CFAP74: variants seen among roughly 807,000 people sequenced by gnomAD.
CFAP74 encodes cilia and flagella associated protein 74.
CFAP74 carries 124 observed loss-of-function variants against 188.9 expected under a neutral mutation model. The observed-to-expected ratio is 0.66, with a 90% CI of 0.57 to 0.76. The LOEUF is 0.76. Among genes scored for constraint, CFAP74 ranks in the 30% least tolerant of loss-of-function variants. CFAP74 has a pLI of 0.00. For synonymous variants in CFAP74, 956 were observed against 916.7 expected, an observed-to-expected ratio of 1.04 and a Z score of -0.77; for missense variants, 2,198 against 2,165.2, an observed-to-expected ratio of 1.02 and a Z score of -0.30.
intron 13 of CFAP74, 100 bp downstream of exon 13, chr1:1,964,788 T>A: frequency 7.4e-7 from 1 of 1,346,826 alleles, no homozygotes; most frequent in South Asian, 1.3e-5. Flanking sequence ...AGACTCCATC[T>A]CAAAAAAAAG....
chr1:1,941,897 C>G (rs1050340237), intron 22 of CFAP74, 131 bp downstream of exon 22: 32 of 1,034,922 alleles, frequency 3.1e-5, no homozygotes, highest in African/African-American at 4.9e-5. Context: ...GGCCTCTGCC[C>G]CAGAACACAT....
chr1:1,936,748 A>G (rs1003435061), intron 25 of CFAP74, among the ~76,000 whole-genome samples: 2 of 151,684 alleles, frequency 1.3e-5, no homozygotes, highest in Admixed American at 6.6e-5. Flanking sequence ...TACAAAAAAT[A>G]TAAAAGTTAG....
intron 6 of CFAP74, among the ~76,000 whole-genome samples, chr1:1,981,613 G>A (rs377661058): frequency 4.1e-5 from 3 of 72,464 alleles, no homozygotes; most frequent in South Asian, 5.0e-4. Context: ...ACACACAGCC[G>A]CGGACAGACA....
intron 27 of CFAP74, 138 bp from the exon 28 acceptor site, chr1:1,927,884 G>A (rs1182604558): frequency 1.5e-5 from 14 of 946,968 alleles, no homozygotes; most frequent in South Asian, 3.4e-5. Context: ...AAAGCCGACC[G>A]GCGCCCGAGG....
intron 1 of CFAP74, among the ~76,000 whole-genome samples, chr1:1,994,107 G>A (rs199764184): frequency 5.3e-5 from 8 of 151,416 alleles, no homozygotes; most frequent in East Asian, 3.9e-4. Context: ...CGAGGCTGCC[G>A]TGAGCTGTGA....
chr1:1,926,809 C>T lies in CFAP74; in HGVS notation c.3663-48G>A, dbSNP rs898213057. On this transcript the variant is annotated intron_variant, in intron 29 of 38. Transcript: ENST00000682832. ...AGGGCAGGGTGGGCGGCCCCCTGCCCGCCCAGGCCCCAGAGTTGGGCAGTA... is the reference window on the plus strand; with the variant it reads ...AGGGCAGGGTGGGCGGCCCCCTGCCTGCCCAGGCCCCAGAGTTGGGCAGTA... The T allele has an allele frequency of 2.1e-5, 32 of 1,547,338 alleles. 1 individual carries two copies. The East Asian group carries it at 2.4e-4, about 12-fold the overall frequency.
At position 1,942,897 on chromosome 1, in the gene CFAP74, C is replaced by T. The variant is rs931289942; in HGVS notation, c.2487-741G>A. On this transcript the variant is annotated intron_variant, in intron 21 of 38. Coordinates refer to ENST00000682832, the MANE Select transcript of CFAP74 (RefSeq NM_001304360.2). This position sits in a 1 kb window ranked among gnomAD's most constrained non-coding sequence, Gnocchi z 4.3. ...AGAAATCTCCTCCCTCCTGTGCTTC[C>T]ATGCGACAGTCACCCATGCTGTGGC... Among the ~76,000 whole-genome samples, 5 of 152,204 alleles carry T rather than the reference C, an allele frequency of 3.3e-5. No individual in the cohort carries two copies. Among genetic ancestry groups the T allele is most frequent in the Non-Finnish European group, 7.3e-5 (5 of 68,032 alleles).
rs2803326 is a variant in CFAP74, at chr1:1,942,075, A to G, written c.2568T>C (p.Tyr856=). Residue 856 remains tyrosine, a synonymous_variant, in exon 22 of 39, where the codon TAT becomes TAC. Transcript: ENST00000682832. This position sits in a 1 kb window ranked among gnomAD's most constrained non-coding sequence, Gnocchi z 4.3. ...AHLELLPKTG[Y]IQAQSSYSVQ... is the part of the protein sequence containing the mutation. ...CGGAGTAGGACGACTGTGCCTGGAT[A>G]TAGCCTGTCTTGGGCAGGAGCTCCA... is the stretch of plus-strand genomic sequence containing the variant. 0.55 allele frequency: 827,243 copies of G among 1,516,806 alleles called. 229,005 individuals carry two copies. The highest frequency in any genetic ancestry group is 0.64 in the Admixed American group (31,233 of 48,958). 94.0% of individuals were successfully genotyped at this position (1,516,806 alleles called of 1,614,324 possible). A position where few individuals can be genotyped will look rare whatever the true frequency, so the allele number is the denominator to read the frequency against.
At chr1:1,991,840 C>A (rs528465858) in intron 1 of CFAP74, among the ~76,000 whole-genome samples, 1 of 151,906 alleles carries the variant, frequency 6.6e-6, no homozygotes, top group Non-Finnish European at 1.5e-5. Context: ...GAGATCGAGA[C>A]TATCCTGGCT....
chr1:1,961,113 C>T (rs191996595), intron 14 of CFAP74, among the ~76,000 whole-genome samples: 9 of 152,172 alleles, frequency 5.9e-5, no homozygotes, highest in East Asian at 3.9e-4. Context: ...AGTGGTGAAC[C>T]GAGCAGCACC....
intron 1 of CFAP74, 119 bp from the exon 2 acceptor site, chr1:1,991,094 T>G: frequency 1.5e-6 from 1 of 654,838 alleles, no homozygotes; most frequent in Non-Finnish European, 2.6e-6. Flanking sequence ...GAAAAAATAT[T>G]TGCAGCACAC....
chr1:1,990,084 C>T (rs1250625179), intron 2 of CFAP74, among the ~76,000 whole-genome samples: 1 of 152,086 alleles, frequency 6.6e-6, no homozygotes, highest in Non-Finnish European at 1.5e-5. Flanking sequence ...CCAATAGGTT[C>T]GTTATTGCTA....
intron 1 of CFAP74, among the ~76,000 whole-genome samples, chr1:1,992,566 T>C (rs1481244164): frequency 1.3e-5 from 2 of 151,836 alleles, no homozygotes; most frequent in East Asian, 1.9e-4. Context: ...CTCTGCCTCC[T>C]GGGTTCACGC....
chr1:1,924,027 C>T, intron 34 of CFAP74, 98 bp from the exon 35 acceptor site: 5 of 1,274,878 alleles, frequency 3.9e-6, no homozygotes, highest in Non-Finnish European at 4.3e-6. Flanking sequence ...TGCCCGCCCC[C>T]CTGCAGAGCC....
At chr1:1,928,075 C>G in intron 27 of CFAP74, 1 of 406,524 alleles carries the variant, frequency 2.5e-6, no homozygotes, top group South Asian at 2.1e-5. Context: ...TGCTTCCCCT[C>G]GAGTGCACGC....
intron 18 of CFAP74, among the ~76,000 whole-genome samples, chr1:1,949,621 T>A (rs1402914258): frequency 2.0e-5 from 3 of 152,182 alleles, no homozygotes; most frequent in African/African-American, 4.8e-5. Context: ...AGACACTGAA[T>A]GGCCCCACCG....
In CFAP74 at chr1:1,992,026, C is replaced by T. The variant is rs575543125; in HGVS notation, c.-19-1051G>A. Among the ~76,000 whole-genome samples, 13 of 148,072 alleles carry T rather than the reference C, an allele frequency of 8.8e-5. No individual in the cohort carries two copies. In the East Asian group the frequency reaches 1.4e-3, roughly 16 times the overall value. On this transcript the variant is annotated intron_variant, in intron 1 of 38. Transcript: ENST00000682832. ...CTGCACTCCAGCCTGGGTGACAGAG[C>T]GAGACTCCGTCTCAAAAAAAAAAAA... is the stretch of plus-strand genomic sequence containing the variant.
Position 1,939,624 on chromosome 1 carries a change from G to A in CFAP74, c.2847C>T (p.Pro949=). Residue 949 remains proline (P), a synonymous_variant, in exon 24 of 39, where the codon CCC becomes CCT. Transcript: ENST00000682832. The part of the protein sequence containing the change: ...EISLHNHSLL[P]QEFGFVRLPK... ...GAAGCCTGACGAACCCGAACTCCTG[G>A]GGCAGGAGCGAGTGGTTGTGGAGGC... The A allele has an allele frequency of 2.0e-6, 3 of 1,536,066 alleles. No homozygotes were observed. Among genetic ancestry groups the A allele is most frequent in the Non-Finnish European group, 2.6e-6 (3 of 1,146,848 alleles).
intron 25 of CFAP74, among the ~76,000 whole-genome samples, chr1:1,934,152 A>C (rs1652632046): frequency 6.6e-6 from 1 of 152,246 alleles, no homozygotes; most frequent in South Asian, 2.1e-4. Context: ...GAAGCCCCTC[A>C]GTACTGGGTA....
Sources: gnomAD v4.1 joint callset for allele counts (sites outside exome capture counted in the v4.1 genomes callset) on GRCh38, gnomAD v4.1.1 for gene constraint, Gnocchi (gnomAD v3.1) non-coding constraint, MANE v1.5 for transcripts, NCBI Gene and HGNC (gene_info 2026-07-23, HGNC 2026-07-21) for gene names.